The following TMED3 variants were observed in gnomAD, a reference collection of about 807,000 sequenced individuals.
The protein encoded by TMED3 is transmembrane emp24 domain-containing protein 3.
A neutral mutation model predicts 15.0 loss-of-function variants in TMED3; 9 were observed. The observed-to-expected ratio is 0.60, with a 90% CI of 0.36 to 1.04. The LOEUF (loss-of-function observed/expected upper bound fraction) is 1.04. TMED3 is among the 50% of genes least tolerant of loss of function. The pLI, the probability that TMED3 is intolerant of heterozygous loss-of-function variation, is 0.01. For synonymous variants in TMED3, 117 were observed against 121.4 expected, an observed-to-expected ratio of 0.96 and a Z score of 0.24; for missense variants, 267 against 278.9, an observed-to-expected ratio of 0.96 and a Z score of 0.30.
chr15:79,358,497 C>T (rs1244192189), intron 2 of TMED3, among the ~76,000 whole-genome samples: 5 of 152,150 alleles, frequency 3.3e-5, no homozygotes, highest in African/African-American at 1.2e-4. Flanking sequence ...TGGTACCTGG[C>T]TGGGATGGAA....
chr15:79,396,414 C>A (rs1031541835), intron 2 of TMED3, among the ~76,000 whole-genome samples: 1 of 152,194 alleles, frequency 6.6e-6, no homozygotes, highest in Non-Finnish European at 1.5e-5. Flanking sequence ...CTAGAATCTT[C>A]ATTCACCTGT....
chr15:79,397,411 A>G (rs1410245007), intron 2 of TMED3, among the ~76,000 whole-genome samples: 1 of 152,080 alleles, frequency 6.6e-6, no homozygotes. Context: ...GAAAGACGAC[A>G]AACAGATCTG....
At chr15:79,352,673 A>AAAAT (rs386383572) in intron 2 of TMED3, among the ~76,000 whole-genome samples, 8,990 of 141,662 alleles carry the variant, frequency 0.063, 345 homozygotes, top group South Asian at 0.092. Flanking sequence ...AGAAAAAAAA[A>AAAAT]ATATATATAT....
At chr15:79,381,192 C>G (rs1386433253) in intron 2 of TMED3, among the ~76,000 whole-genome samples, 1 of 152,052 alleles carries the variant, frequency 6.6e-6, no homozygotes, top group Non-Finnish European at 1.5e-5. Flanking sequence ...CCATGCAAGG[C>G]GATTGCTACC....
chr15:79,388,663 A>G (rs2141252727), intron 2 of TMED3, among the ~76,000 whole-genome samples: 1 of 152,246 alleles, frequency 6.6e-6, no homozygotes, highest in Middle Eastern at 3.4e-3. Flanking sequence ...TAGTTCATGA[A>G]GTAATCTTCA....
At position 79,322,466 on chromosome 15, in the gene TMED3, T is replaced by A. The variant is rs1567023422; in HGVS notation, c.*252T>A. The A allele has an allele frequency of 4.6e-6, 6 of 1,313,894 alleles. No homozygotes were observed. The highest frequency in any genetic ancestry group is 5.8e-6 in the Non-Finnish European group (6 of 1,030,340). 81.4% of individuals were successfully genotyped at this position (1,313,894 alleles called of 1,614,324 possible). ...AGACATTTACAACTAGGCCAGGGAT[T>A]AGCCACTGTGGGAGGGTGGACAGGC... is the stretch of plus-strand genomic sequence containing the variant. On this transcript the variant is annotated 3_prime_UTR_variant, in exon 3 of 3. Transcript: ENST00000299705.
At chr15:79,366,560 G>T (rs1259067773) in intron 2 of TMED3, among the ~76,000 whole-genome samples, 2 of 152,214 alleles carry the variant, frequency 1.3e-5, no homozygotes, top group Non-Finnish European at 2.9e-5. Context: ...CGAGCTAGGT[G>T]CCTGGAATTT....
Position 79,337,255 on chromosome 15 carries a change from G to A in TMED3, c.417+23250G>A, listed in dbSNP as rs574883318. 7.2e-5 allele frequency among the ~76,000 whole-genome samples: 11 copies of A among 152,280 alleles called. No homozygotes were observed. The South Asian group carries it at 1.5e-3, about 20-fold the overall frequency. The stretch of plus-strand genomic sequence containing the variant: ...CTTGGCTTGCAGATGGCTGTCTTCT[G>A]TGTCCTCACACGGTCCCTTCCCTGT... On this transcript the variant is annotated intron_variant, in intron 2 of 2. Coordinates refer to the TMED3 transcript ENST00000424155.
intron 2 of TMED3, 70 bp downstream of exon 2, chr15:79,314,075 G>A: frequency 1.3e-6 from 2 of 1,568,976 alleles, no homozygotes; most frequent in Non-Finnish European, 1.7e-6. Flanking sequence ...CCTCTGTCTA[G>A]GCTGGTGGTG....
intron 2 of TMED3, among the ~76,000 whole-genome samples, chr15:79,336,324 G>A (rs189717829): frequency 6.6e-6 from 1 of 152,222 alleles, no homozygotes; most frequent in African/African-American, 2.4e-5. Context: ...TGGCTGGCTA[G>A]TGGAGCTGGA....
intron 2 of TMED3, among the ~76,000 whole-genome samples, chr15:79,406,750 G>A (rs949194812): frequency 6.6e-6 from 1 of 152,170 alleles, no homozygotes; most frequent in African/African-American, 2.4e-5. Flanking sequence ...ACCCTAGCCA[G>A]CTACCCATTT....
intron 2 of TMED3, chr15:79,314,592 G>A (rs572848734): frequency 1.1e-5 from 5 of 454,572 alleles, no homozygotes; most frequent in South Asian, 7.8e-5. Flanking sequence ...AATGAGAAAA[G>A]CCCATCTACT....
chr15:79,328,935 G>A (rs1042134802), intron 2 of TMED3, among the ~76,000 whole-genome samples: 3 of 152,202 alleles, frequency 2.0e-5, no homozygotes, highest in African/African-American at 7.2e-5. Context: ...CATGAATTCA[G>A]TGGCACAGCC....
intron 2 of TMED3, chr15:79,383,290 A>G (rs985752354): frequency 2.1e-6 from 1 of 477,370 alleles, no homozygotes; most frequent in African/African-American, 1.9e-5. Context: ...GCTGTTGAAG[A>G]TTATATCTAT....
chr15:79,392,147 GT>G (rs989730970), intron 2 of TMED3, among the ~76,000 whole-genome samples: 5 of 151,818 alleles, frequency 3.3e-5, no homozygotes, highest in East Asian at 1.9e-4. Context: ...TGTGTACCTT[GT>G]TTTTTTTGTT....
chr15:79,353,216 A>C (rs1567030478), intron 2 of TMED3, among the ~76,000 whole-genome samples: 27 of 83,142 alleles, frequency 3.2e-4, no homozygotes, highest in Non-Finnish European at 4.7e-4. Flanking sequence ...TATATTATAT[A>C]TATTATACAT....
At chr15:79,356,210 A>G (rs1011687023) in intron 2 of TMED3, among the ~76,000 whole-genome samples, 6 of 152,204 alleles carry the variant, frequency 3.9e-5, no homozygotes, top group Non-Finnish European at 5.9e-5. Context: ...ATTTTGTTAG[A>G]TTGGCGAGGA....
At chr15:79,402,501 T>A (rs1161268818) in intron 2 of TMED3, among the ~76,000 whole-genome samples, 1 of 152,062 alleles carries the variant, frequency 6.6e-6, no homozygotes, top group Non-Finnish European at 1.5e-5. Flanking sequence ...CCAAGGAGGA[T>A]GGGCACAGGG....
intron 2 of TMED3, among the ~76,000 whole-genome samples, chr15:79,398,580 G>GT (rs1893793420): frequency 1.8e-5 from 2 of 113,354 alleles, no homozygotes; most frequent in Non-Finnish European, 3.8e-5. Context: ...GAAGATCGAT[G>GT]TCCCAGCTTG....
Sources: gnomAD v4.1 joint callset for allele counts (sites outside exome capture counted in the v4.1 genomes callset) on GRCh38, gnomAD v4.1.1 for gene constraint, MANE v1.5 for transcripts, NCBI Gene and HGNC (gene_info 2026-07-23, HGNC 2026-07-21) for gene names.